Variants in RNF217 observed in about 807,000 individuals in gnomAD.
RNF217 encodes the protein ring finger protein 217, also known as E3 ubiquitin-protein ligase RNF217.
In RNF217, 31 loss-of-function variants were observed where a neutral mutation model predicts 57.8. The observed-to-expected ratio is 0.54, with a 90% confidence interval of 0.40 to 0.72. The LOEUF is 0.72. RNF217 is among the 30% of genes least tolerant of loss of function. The pLI is 0.00. For synonymous variants in RNF217, 313 were observed against 294.0 expected (o/e 1.06, Z -0.66); for missense variants, 696 against 708.3 (o/e 0.98, Z 0.20).
chr6:125,012,908 T>G (rs1381947325), intron 1 of RNF217, among the ~76,000 whole-genome samples: 2 of 152,188 alleles, frequency 1.3e-5, no homozygotes, highest in Non-Finnish European at 2.9e-5. Context: ...AGGTATATTT[T>G]CAGAACTTCT....
intron 1 of RNF217, among the ~76,000 whole-genome samples, chr6:125,043,974 C>G (rs1299652244): frequency 6.6e-6 from 1 of 152,062 alleles, no homozygotes; most frequent in Non-Finnish European, 1.5e-5. Flanking sequence ...TCACCCCATG[C>G]ATCCTTCAGC....
intron 1 of RNF217, among the ~76,000 whole-genome samples, chr6:125,040,017 C>T (rs185577817): frequency 1.3e-5 from 2 of 151,888 alleles, no homozygotes; most frequent in Admixed American, 1.3e-4. Flanking sequence ...AAATCAACAC[C>T]CTAACATCAC....
chr6:125,019,868 T>TTTATA (rs1785764878), intron 1 of RNF217, among the ~76,000 whole-genome samples: 1 of 151,916 alleles, frequency 6.6e-6, no homozygotes, highest in Non-Finnish European at 1.5e-5. Flanking sequence ...ATTAAAATAA[T>TTTATA]TTATATTAAA....
In RNF217 at chr6:124,987,057, A is replaced by G. The variant is rs539251298; in HGVS notation, c.882+23631A>G. On this transcript the variant is annotated intron_variant, in intron 1 of 5. Transcript: ENST00000521654. ...CGAATATAGATATTAGTCTACTAGC[A>G]TGTATGCACATTCATAATTTGGACG... 5.3e-5 allele frequency among the ~76,000 whole-genome samples: 8 copies of G among 152,298 alleles called. No individual in the cohort carries two copies. The South Asian group carries it at 1.7e-3, about 32-fold the overall frequency.
Position 125,087,030 on chromosome 6 carries a change from A to C in RNF217, c.*4093A>C, listed in dbSNP as rs1353223692. 3 of 151,974 alleles carry C rather than the reference A, an allele frequency of 2.0e-5. No individual in the cohort carries two copies. The highest frequency in any genetic ancestry group is 7.2e-5 in the African/African-American group (3 of 41,386). 9.4% of individuals were successfully genotyped at this position (151,974 alleles called of 1,614,324 possible). The stretch of plus-strand genomic sequence containing the variant: ...TTTTTCTCCATACCTCTGCTATTCT[A>C]ACTATTCCTCTTCACTGAAGGAGAA... On this transcript the variant is annotated 3_prime_UTR_variant, in exon 6 of 6. Coordinates refer to ENST00000521654, the MANE Select transcript of RNF217 (RefSeq NM_001286398.3).
intron 2 of RNF217, among the ~76,000 whole-genome samples, chr6:125,052,245 A>G (rs1368615220): frequency 3.3e-5 from 5 of 151,224 alleles, no homozygotes; most frequent in African/African-American, 1.2e-4. Flanking sequence ...TTATATAAAT[A>G]AGCACCATAT....
intron 3 of RNF217, among the ~76,000 whole-genome samples, chr6:125,075,252 C>A (rs1358303534): frequency 6.6e-6 from 1 of 152,050 alleles, no homozygotes; most frequent in Non-Finnish European, 1.5e-5. Flanking sequence ...ATTGGACACC[C>A]CTGCCGTAGT....
chr6:124,962,703 T>TGGCTGCGGAAGCGACTGG lies in RNF217; in HGVS notation c.167_184dup (p.Gly56_Cys61dup). On this transcript the variant is annotated inframe_insertion, in exon 1 of 6. Coordinates refer to ENST00000521654, the MANE Select transcript of RNF217 (RefSeq NM_001286398.3). This position sits in a 1 kb window ranked among gnomAD's most constrained non-coding sequence, Gnocchi z 4.6. ...CCGCCTCCGCGGAGCCGAGCGGCGGTGGCTGCGGAAGCGACTGGGGCTGCG... is the reference window on the plus strand; with the variant it reads ...CCGCCTCCGCGGAGCCGAGCGGCGGTGGCTGCGGAAGCGACTGGGGCTGCGGAAGCGACTGGGGCTGCG... 3 of 1,406,296 alleles carry TGGCTGCGGAAGCGACTGG rather than the reference T, an allele frequency of 2.1e-6. No homozygotes were observed. Among genetic ancestry groups the TGGCTGCGGAAGCGACTGG allele is most frequent in the Non-Finnish European group, 2.7e-6 (3 of 1,093,028 alleles). 87.1% of individuals were successfully genotyped at this position (1,406,296 alleles called of 1,614,324 possible). A position where few individuals can be genotyped will look rare whatever the true frequency, so the allele number is the denominator to read the frequency against.
intron 3 of RNF217, among the ~76,000 whole-genome samples, chr6:125,064,843 T>C (rs990797080): frequency 1.3e-5 from 2 of 151,438 alleles, no homozygotes; most frequent in Non-Finnish European, 2.9e-5. Context: ...TGTACGTGTG[T>C]ATATATATAT....
At chr6:124,990,351 T>C (rs1035859503) in intron 1 of RNF217, among the ~76,000 whole-genome samples, 1 of 152,198 alleles carries the variant, frequency 6.6e-6, no homozygotes, top group Non-Finnish European at 1.5e-5. Context: ...CTAATTTATA[T>C]CCCGAGCTCA....
At chr6:125,041,268 C>T (rs539493187) in intron 1 of RNF217, among the ~76,000 whole-genome samples, 1 of 152,162 alleles carries the variant, frequency 6.6e-6, no homozygotes, top group South Asian at 2.1e-4. Flanking sequence ...ACCTCTCAGT[C>T]ATCTATCATC....
chr6:125,048,979 G>T (rs1484741852), intron 2 of RNF217, among the ~76,000 whole-genome samples: 2 of 151,964 alleles, frequency 1.3e-5, no homozygotes, highest in Admixed American at 1.3e-4. Flanking sequence ...GTCAAATCCA[G>T]TCTCACTTTT....
chr6:124,965,658 G>A (rs923237446), intron 1 of RNF217, among the ~76,000 whole-genome samples: 2 of 152,032 alleles, frequency 1.3e-5, no homozygotes, highest in African/African-American at 4.8e-5. Flanking sequence ...TTCACCTCAG[G>A]GCTTTTGTAC....
intron 1 of RNF217, among the ~76,000 whole-genome samples, chr6:124,969,464 A>G (rs940421459): frequency 6.6e-6 from 1 of 152,202 alleles, no homozygotes; most frequent in African/African-American, 2.4e-5. Flanking sequence ...GTATGGGAGA[A>G]TGACTTCTAG....
intron 1 of RNF217, among the ~76,000 whole-genome samples, chr6:125,004,420 T>C (rs1186549242): frequency 6.6e-6 from 1 of 152,178 alleles, no homozygotes; most frequent in Non-Finnish European, 1.5e-5. Context: ...CTGTGGCTGA[T>C]GAATCACATG....
chr6:125,048,343 GTAACTT>G (rs1406528704), intron 2 of RNF217: 1 of 1,125,440 alleles, frequency 8.9e-7, no homozygotes, highest in African/African-American at 1.6e-5. Context: ...GTCATTTATG[GTAACTT>G]TAAGAGGAGT....
intron 1 of RNF217, among the ~76,000 whole-genome samples, chr6:125,019,822 C>T (rs1785755355): frequency 7.0e-6 from 1 of 141,930 alleles, no homozygotes; most frequent in Non-Finnish European, 1.5e-5. Context: ...TTGATGTCCC[C>T]TTTTTTGCAG....
chr6:124,964,474 C>T (rs1783447170), intron 1 of RNF217, among the ~76,000 whole-genome samples: 1 of 152,126 alleles, frequency 6.6e-6, no homozygotes, highest in Non-Finnish European at 1.5e-5. Context: ...CATGTTGAGT[C>T]CCTTGCCCAT....
chr6:125,030,183 C>T (rs1786292149), intron 1 of RNF217, among the ~76,000 whole-genome samples: 1 of 152,148 alleles, frequency 6.6e-6, no homozygotes, highest in Non-Finnish European at 1.5e-5. Flanking sequence ...TTAGTTACCT[C>T]CCCCTGGGTC....
Sources: gnomAD v4.1 joint callset for allele counts (sites outside exome capture counted in the v4.1 genomes callset) on GRCh38, gnomAD v4.1.1 for gene constraint, Gnocchi (gnomAD v3.1) non-coding constraint, MANE v1.5 for transcripts, NCBI Gene and HGNC (gene_info 2026-07-23, HGNC 2026-07-21) for gene names.